FRMD4A: variants seen among roughly 807,000 people sequenced by gnomAD.
FRMD4A encodes the protein FERM domain containing 4A.
FRMD4A carries 29 observed loss-of-function variants against 129.1 expected under a neutral mutation model. The ratio of observed to expected loss-of-function variants is 0.22; its 90% confidence interval spans 0.17 to 0.31. The LOEUF is 0.31. Among genes scored for constraint, FRMD4A ranks in the 10% least tolerant of loss-of-function variants. The pLI, the probability that FRMD4A is intolerant of heterozygous loss-of-function variation, is 1.00. For missense variants in FRMD4A, 1,272 were observed against 1,375.8 expected (o/e 0.92, Z 1.19); for synonymous variants, 634 against 571.6 (o/e 1.11, Z -1.56).
intron 2 of FRMD4A, among the ~76,000 whole-genome samples, chr10:13,932,932 G>A (rs1034209629): frequency 3.9e-5 from 6 of 152,066 alleles, no homozygotes; most frequent in Non-Finnish European, 7.4e-5. Context: ...AGGCTGAGGC[G>A]GGTGGATCAC....
chr10:14,097,436 A>C (rs1184390850), intron 2 of FRMD4A, among the ~76,000 whole-genome samples: 6 of 152,132 alleles, frequency 3.9e-5, no homozygotes, highest in African/African-American at 1.4e-4. Flanking sequence ...AGGCAACTGT[A>C]CTAAATGCTT....
intron 3 of FRMD4A, among the ~76,000 whole-genome samples, chr10:13,816,042 C>A (rs969474264): frequency 6.6e-6 from 1 of 152,300 alleles, no homozygotes; most frequent in South Asian, 2.1e-4. Context: ...CTGGCTGGAA[C>A]AAACTTCATC....
chr10:13,833,996 G>A (rs1221418163), intron 3 of FRMD4A, among the ~76,000 whole-genome samples: 3 of 152,046 alleles, frequency 2.0e-5, no homozygotes, highest in Non-Finnish European at 2.9e-5. Flanking sequence ...AGTGGCTCAC[G>A]CCTGTAATCC....
At chr10:14,002,544 T>C (rs1451875321) in intron 2 of FRMD4A, among the ~76,000 whole-genome samples, 1 of 152,206 alleles carries the variant, frequency 6.6e-6, no homozygotes, top group Non-Finnish European at 1.5e-5. Flanking sequence ...ATATGAACTT[T>C]TAGATTTCAT....
At chr10:14,064,632 C>T (rs1254374036) in intron 2 of FRMD4A, among the ~76,000 whole-genome samples, 2 of 152,122 alleles carry the variant, frequency 1.3e-5, no homozygotes, top group Non-Finnish European at 1.5e-5. Context: ...GGCTGGAGTA[C>T]AGTGGCGCGA....
intron 4 of FRMD4A, among the ~76,000 whole-genome samples, chr10:13,804,471 A>G (rs999311255): frequency 1.3e-5 from 2 of 152,048 alleles, no homozygotes; most frequent in Non-Finnish European, 2.9e-5. Context: ...GCTCCCGTGC[A>G]CCAGCCTTCC....
At chr10:13,753,995 A>G (rs1464702581) in intron 8 of FRMD4A, among the ~76,000 whole-genome samples, 1 of 152,186 alleles carries the variant, frequency 6.6e-6, no homozygotes, top group African/African-American at 2.4e-5. Context: ...AAATTTAAAA[A>G]TTGTTTCATA....
Position 13,906,808 on chromosome 10 carries a change from G to A in FRMD4A, c.46-47896C>T, listed in dbSNP as rs143310284. Reference sequence around the variant, plus strand: ...GTGTATGCTCCTTGCCGAGATGTTCGCCCTGCTCGTGTGTGAATAACTTAG... The same window carrying A: ...GTGTATGCTCCTTGCCGAGATGTTCACCCTGCTCGTGTGTGAATAACTTAG... On this transcript the variant is annotated intron_variant, in intron 2 of 24. Coordinates refer to ENST00000357447, the MANE Select transcript of FRMD4A (RefSeq NM_018027.5). Among the ~76,000 whole-genome samples the A allele has an allele frequency of 5.2e-3, 795 of 152,208 alleles. 11 individuals are homozygous for A. The highest frequency in any genetic ancestry group is 0.017 in the African/African-American group (714 of 41,504).
chr10:14,114,998 A>G (rs1049821382), intron 2 of FRMD4A, among the ~76,000 whole-genome samples: 10 of 152,146 alleles, frequency 6.6e-5, no homozygotes, highest in Admixed American at 3.3e-4. Context: ...GTGGGCACAC[A>G]GTGACATAAG....
chr10:13,872,397 C>T (rs1564949070), intron 2 of FRMD4A, among the ~76,000 whole-genome samples: 1 of 152,204 alleles, frequency 6.6e-6, no homozygotes, highest in Non-Finnish European at 1.5e-5. Flanking sequence ...GCTCTTTTTC[C>T]CAGTAACTGG....
At chr10:13,827,240 G>A (rs11258656) in intron 3 of FRMD4A, among the ~76,000 whole-genome samples, 83,729 of 151,796 alleles carry the variant, frequency 0.55, 23,233 homozygotes, top group Middle Eastern at 0.72. Context: ...CACATAAGGG[G>A]TATCAGGCAT....
chr10:14,256,840 A>T lies in FRMD4A; in HGVS notation c.45+73218T>A, dbSNP rs551524640. Among the ~76,000 whole-genome samples the T allele has an allele frequency of 4.6e-5, 7 of 152,194 alleles. No homozygotes were observed. The East Asian group carries it at 1.2e-3, about 25-fold the overall frequency. On this transcript the variant is annotated intron_variant, in intron 2 of 24. Transcript: ENST00000357447. The stretch of plus-strand genomic sequence containing the variant: ...TCTTCAAAAAATTTTTTAAAATAAA[A>T]ATAAAAAATAAATGTATATGTAATA...
Position 13,750,077 on chromosome 10 carries a change from A to G in FRMD4A, c.465-2258T>C, listed in dbSNP as rs865818278. ...GGAAGGAAGGAAGGAAGGAAGAAAG[A>G]AAGAAAGAAAGAAAGAAAGAAAGAA... On this transcript the variant is annotated intron_variant, in intron 8 of 24. Coordinates refer to ENST00000357447, the MANE Select transcript of FRMD4A (RefSeq NM_018027.5). Among the ~76,000 whole-genome samples, 599 of 73,190 alleles carry G rather than the reference A, an allele frequency of 8.2e-3. 9 individuals are homozygous for G. Among genetic ancestry groups the G allele is most frequent in the South Asian group, 0.07 (128 of 1,830 alleles). The allele number at this position is 73,190 out of a possible 152,430, so 48.0% of individuals were successfully genotyped here.
chr10:13,947,548 G>T (rs1464814565), intron 2 of FRMD4A, among the ~76,000 whole-genome samples: 1 of 151,470 alleles, frequency 6.6e-6, no homozygotes, highest in Non-Finnish European at 1.5e-5. Context: ...GTCAAAACTG[G>T]ATTTAGTTAT....
At chr10:14,095,787 C>A (rs1435371440) in intron 2 of FRMD4A, among the ~76,000 whole-genome samples, 1 of 152,244 alleles carries the variant, frequency 6.6e-6, no homozygotes, top group Non-Finnish European at 1.5e-5. Context: ...ACACGACCCA[C>A]TTCTCCAGAG....
chr10:13,864,261 G>T (rs1020195627), intron 2 of FRMD4A, among the ~76,000 whole-genome samples: 1 of 146,136 alleles, frequency 6.8e-6, no homozygotes, highest in African/African-American at 2.6e-5. Flanking sequence ...CTCCCAAAGT[G>T]CTAGGATTAT....
At chr10:14,160,157 G>A (rs1840810588) in intron 2 of FRMD4A, among the ~76,000 whole-genome samples, 1 of 152,066 alleles carries the variant, frequency 6.6e-6, no homozygotes, top group East Asian at 1.9e-4. Flanking sequence ...ATATAAATAA[G>A]TCTATATATT....
chr10:13,918,424 C>CATTTATTT (rs35115927), intron 2 of FRMD4A, among the ~76,000 whole-genome samples: 4,102 of 152,034 alleles, frequency 0.027, 198 homozygotes, highest in East Asian at 0.2. Flanking sequence ...TAGAGTGGTT[C>CATTTATTT]ATTTATTTAT....
chr10:14,280,469 CA>C (rs978785801), intron 2 of FRMD4A, among the ~76,000 whole-genome samples: 2 of 152,088 alleles, frequency 1.3e-5, no homozygotes, highest in African/African-American at 4.8e-5. Context: ...TTAGACCTAC[CA>C]GGGGCAAATC....
Sources: gnomAD v4.1 joint callset for allele counts (sites outside exome capture counted in the v4.1 genomes callset) on GRCh38, gnomAD v4.1.1 for gene constraint, MANE v1.5 for transcripts, NCBI Gene and HGNC (gene_info 2026-07-23, HGNC 2026-07-21) for gene names.